The following CXADR variants were observed in gnomAD, a reference collection of about 807,000 sequenced individuals.
CXADR encodes coxsackievirus and adenovirus receptor.
CXADR carries 20 observed loss-of-function variants against 40.3 expected under a neutral mutation model. The ratio of observed to expected loss-of-function variants is 0.50; its 90% confidence interval spans 0.35 to 0.72. The LOEUF (loss-of-function observed/expected upper bound fraction) is 0.72. Among genes scored for constraint, CXADR ranks in the 30% least tolerant of loss-of-function variants. The probability of loss-of-function intolerance (pLI) is 0.01; values close to 1 mark genes in which losing one functional copy is unlikely to be tolerated. For synonymous variants in CXADR, 150 were observed against 161.3 expected, an observed-to-expected ratio of 0.93 and a Z score of 0.53; for missense variants, 332 against 449.1, an observed-to-expected ratio of 0.74 and a Z score of 2.36.
In CXADR at chr21:17,547,106, C is replaced by A; in HGVS notation, c.123C>A (p.Cys41Ter). 6.2e-7 allele frequency: 1 copy of A among 1,614,122 alleles called. No individual in the cohort carries two copies. The highest frequency in any genetic ancestry group is 8.5e-7 in the Non-Finnish European group (1 of 1,180,018). Residue 41 changes from cysteine (C) to a stop codon, truncating the protein, a stop_gained, in exon 2 of 7, where the codon TGC (cysteine) becomes TGA (stop). Coordinates refer to ENST00000284878, the MANE Select transcript of CXADR (RefSeq NM_001338.5). LOFTEE classifies it high-confidence loss of function. ...AAGGGGAAACTGCCTATCTGCCATG[C>A]AAATTTACGCTTAGTCCCGAAGACC... ...KAKGETAYLP[C>*]KFTLSPEDQG...
At chr21:17,608,849 C>T in the CXADR span, 3 of 950,166 alleles carry the variant, frequency 3.2e-6, no homozygotes, top group South Asian at 6.6e-5. Context: ...TACAAACACC[C>T]CAGAGTTCTA....
the CXADR span, chr21:17,598,949 T>C: frequency 1.4e-6 from 1 of 729,216 alleles, no homozygotes. Context: ...TCACAGAACT[T>C]GACCCTACAC....
intron 1 of CXADR, among the ~76,000 whole-genome samples, chr21:17,519,634 C>T (rs78055166): frequency 0.031 from 4,752 of 152,260 alleles, 268 homozygotes; most frequent in African/African-American, 0.11. Flanking sequence ...TAAAATAGGT[C>T]CCTTAAATGT....
At chr21:17,630,900 G>T in the CXADR span, among the ~76,000 whole-genome samples, 1 of 152,088 alleles carries the variant, frequency 6.6e-6, no homozygotes, top group Non-Finnish European at 1.5e-5. Context: ...TTACAGAAAA[G>T]AGGAAGGAAG....
chr21:17,606,309 T>C, the CXADR span, among the ~76,000 whole-genome samples: 2 of 152,282 alleles, frequency 1.3e-5, no homozygotes, highest in South Asian at 2.1e-4. Flanking sequence ...TCCAGGCCAC[T>C]AGACTCCAAA....
chr21:17,590,405 C>T (rs2061426779), intron 7 of CXADR, among the ~76,000 whole-genome samples: 1 of 151,898 alleles, frequency 6.6e-6, no homozygotes, highest in African/African-American at 2.4e-5. Context: ...TTATGTTACC[C>T]TTAAAAGTAT....
chr21:17,532,595 A>AT (rs948416592), intron 1 of CXADR, among the ~76,000 whole-genome samples: 1 of 151,952 alleles, frequency 6.6e-6, no homozygotes, highest in Admixed American at 6.6e-5. Flanking sequence ...TTTCAGTGTC[A>AT]TTTTTTTTAC....
Position 17,565,879 on chromosome 21 carries a change from G to T in CXADR, c.*187G>T. ...TATCGAAATAGTTACAGGCACTAAAGTTAGTAAAGAAAAGTTTACCATCTG... is the reference window on the plus strand; with the variant it reads ...TATCGAAATAGTTACAGGCACTAAATTTAGTAAAGAAAAGTTTACCATCTG... On this transcript the variant is annotated 3_prime_UTR_variant, in exon 7 of 7. Coordinates refer to ENST00000284878, the MANE Select transcript of CXADR (RefSeq NM_001338.5). 1 of 1,262,596 alleles carries T rather than the reference G, an allele frequency of 7.9e-7. No homozygotes were observed. The highest frequency in any genetic ancestry group is 3.2e-5 in the South Asian group (1 of 31,186). 78.2% of individuals were successfully genotyped at this position (1,262,596 alleles called of 1,614,324 possible).
chr21:17,612,177 G>A, the CXADR span: 2 of 152,406 alleles, frequency 1.3e-5, no homozygotes, highest in Non-Finnish European at 2.9e-5. Context: ...TTTTCCCCAA[G>A]TTCAAGGGGA....
the CXADR span, among the ~76,000 whole-genome samples, chr21:17,625,225 A>AT: frequency 0.45 from 66,775 of 149,004 alleles, 15,037 homozygotes; most frequent in African/African-American, 0.54. Context: ...CTAAGGAACT[A>AT]TTTTTTTTTT....
At chr21:17,517,801 A>G (rs2060479632) in intron 1 of CXADR, among the ~76,000 whole-genome samples, 1 of 152,192 alleles carries the variant, frequency 6.6e-6, no homozygotes, top group African/African-American at 2.4e-5. Context: ...GAGGAAGAAT[A>G]TTACCAAAAG....
At chr21:17,616,964 A>G in the CXADR span, among the ~76,000 whole-genome samples, 345 of 152,352 alleles carry the variant, frequency 2.3e-3, 15 homozygotes, top group East Asian at 0.059. Flanking sequence ...ATCATGCCAT[A>G]AAACTGACTT....
chr21:17,596,853 G>GT (rs775180738), downstream of CXADR, among the ~76,000 whole-genome samples: 12 of 151,896 alleles, frequency 7.9e-5, no homozygotes, highest in Non-Finnish European at 1.3e-4. Context: ...TCATTTCTTC[G>GT]TTTTTTAAGA....
intron 1 of CXADR, among the ~76,000 whole-genome samples, chr21:17,536,723 A>G (rs2060763106): frequency 6.6e-6 from 1 of 152,128 alleles, no homozygotes; most frequent in South Asian, 2.1e-4. Context: ...GATCAGGGGA[A>G]CTTCTGAGAT....
chr21:17,572,552 GC>G, downstream of CXADR, among the ~76,000 whole-genome samples: 1 of 149,948 alleles, frequency 6.7e-6, no homozygotes, highest in East Asian at 1.9e-4. Flanking sequence ...TATTTCTAAA[GC>G]CCTTCTTACG....
chr21:17,524,087 T>G (rs992144096), intron 1 of CXADR, among the ~76,000 whole-genome samples: 11 of 147,974 alleles, frequency 7.4e-5, no homozygotes, highest in Non-Finnish European at 1.3e-4. Context: ...AGAGTTGGGG[T>G]TTCACCATGT....
chr21:17,540,588 G>A (rs1165298006), intron 1 of CXADR, among the ~76,000 whole-genome samples: 1 of 152,194 alleles, frequency 6.6e-6, no homozygotes, highest in Non-Finnish European at 1.5e-5. Flanking sequence ...TGAGGTAGGT[G>A]AGCTTGAATT....
chr21:17,522,118 A>C (rs1315016874), intron 1 of CXADR, among the ~76,000 whole-genome samples: 1 of 150,680 alleles, frequency 6.6e-6, no homozygotes, highest in African/African-American at 2.4e-5. Context: ...AGTAGCTGGG[A>C]CTACAGGCAC....
the CXADR span, among the ~76,000 whole-genome samples, chr21:17,611,506 G>C: frequency 2.6e-5 from 4 of 152,134 alleles, no homozygotes; most frequent in East Asian, 5.8e-4. Context: ...ATGATAGCTC[G>C]AACAGCTGAA....
Sources: gnomAD v4.1 joint callset for allele counts (sites outside exome capture counted in the v4.1 genomes callset) on GRCh38, gnomAD v4.1.1 for gene constraint, MANE v1.5 for transcripts, NCBI Gene and HGNC (gene_info 2026-07-23, HGNC 2026-07-21) for gene names.